Variants in PCTP observed in about 807,000 individuals in gnomAD.
PCTP encodes START domain-containing protein 2.
Under a neutral mutation model 31.0 loss-of-function variants are expected in PCTP, and 27 were observed. The observed-to-expected ratio is 0.87, with a 90% CI of 0.64 to 1.20. The LOEUF (loss-of-function observed/expected upper bound fraction) is 1.20. Ranked by LOEUF, PCTP falls within the 50% of genes most tolerant of loss-of-function variation. The pLI is 0.00. For missense variants in PCTP, 287 were observed against 268.2 expected (o/e 1.07, Z -0.49); for synonymous variants, 108 against 101.2 (o/e 1.07, Z -0.40).
At chr17:55,767,765 CTTT>C (rs10634278) in intron 2 of PCTP, among the ~76,000 whole-genome samples, 1 of 103,496 alleles carries the variant, frequency 9.7e-6, no homozygotes, top group African/African-American at 3.7e-5. Flanking sequence ...GCACCCAGTG[CTTT>C]TTTTTTTTTT....
chr17:55,763,375 A>C (rs548500288), intron 1 of PCTP, among the ~76,000 whole-genome samples: 15 of 152,304 alleles, frequency 9.8e-5, no homozygotes, highest in African/African-American at 3.4e-4. Flanking sequence ...AAGGTTTGTA[A>C]AAAGTATAAA....
At chr17:55,828,812 G>A (rs1267378287) in intron 5 of PCTP, among the ~76,000 whole-genome samples, 1 of 152,166 alleles carries the variant, frequency 6.6e-6, no homozygotes, top group Non-Finnish European at 1.5e-5. Flanking sequence ...CTGAAAAGTG[G>A]GCACGAATCA....
intron 3 of PCTP, among the ~76,000 whole-genome samples, chr17:55,788,899 A>G (rs1328070133): frequency 6.6e-6 from 1 of 152,108 alleles, no homozygotes; most frequent in African/African-American, 2.4e-5. Context: ...ACTTCAGGAT[A>G]CCCTCACCTT....
At chr17:55,829,375 A>G (rs561443847) in intron 5 of PCTP, among the ~76,000 whole-genome samples, 1 of 152,180 alleles carries the variant, frequency 6.6e-6, no homozygotes, top group South Asian at 2.1e-4. Context: ...CAATGGTGCG[A>G]TCTCGGCTCA....
At chr17:55,779,128 C>T (rs964117435), downstream of PCTP, among the ~76,000 whole-genome samples, 4 of 152,118 alleles carry the variant, frequency 2.6e-5, no homozygotes, top group Admixed American at 6.5e-5. Context: ...TTAAATGCAT[C>T]GAGACATTTA....
chr17:55,757,214 A>ATG (rs1910077939), intron 1 of PCTP, among the ~76,000 whole-genome samples: 1 of 150,694 alleles, frequency 6.6e-6, no homozygotes, highest in African/African-American at 2.5e-5. Context: ...GTGTGTATAT[A>ATG]TGTATATATA....
At chr17:55,775,621 A>G in intron 5 of PCTP, 1 of 1,195,578 alleles carries the variant, frequency 8.4e-7, no homozygotes, top group Non-Finnish European at 1.0e-6. Flanking sequence ...CCAGTGCTCA[A>G]CATTAACTAA....
chr17:55,775,927 C>CAT (rs1911303792), intron 5 of PCTP, 108 bp from the exon 6 acceptor site: 39 of 1,500,204 alleles, frequency 2.6e-5, no homozygotes, highest in Non-Finnish European at 3.5e-5. Flanking sequence ...GGAGCCTATT[C>CAT]ATTTTTGTTC....
Position 55,776,854 on chromosome 17 carries a change from G to C in PCTP, c.*754G>C, listed in dbSNP as rs1195826069. 3.0e-6 allele frequency: 3 copies of C among 1,002,974 alleles called. No individual in the cohort carries two copies. The highest frequency in any genetic ancestry group is 2.4e-6 in the Non-Finnish European group (2 of 842,022). The allele number at this position is 1,002,974 out of a possible 1,614,324, so 62.1% of individuals were successfully genotyped here. A position where few individuals can be genotyped will look rare whatever the true frequency, so the allele number is the denominator to read the frequency against. On this transcript the variant is annotated 3_prime_UTR_variant, in exon 6 of 6. Transcript: ENST00000268896. ...TTTTCCATATGTCACTGGGGGAAAGGCTGCCTGTACCTCTCAAGCTTTGCA... is the reference window on the plus strand; with the variant it reads ...TTTTCCATATGTCACTGGGGGAAAGCCTGCCTGTACCTCTCAAGCTTTGCA...
chr17:55,840,886 C>G (rs1244259023), intron 5 of PCTP, among the ~76,000 whole-genome samples: 2 of 152,168 alleles, frequency 1.3e-5, no homozygotes, highest in African/African-American at 2.4e-5. Context: ...TTGGGATGCT[C>G]AAGCAGTGCA....
intron 3 of PCTP, among the ~76,000 whole-genome samples, chr17:55,794,784 C>A (rs989663739): frequency 2.3e-4 from 35 of 151,964 alleles, no homozygotes; most frequent in Non-Finnish European, 2.9e-5. Context: ...CAGCTCCTGC[C>A]AAGAGACCAC....
chr17:55,849,475 T>G, the PCTP span, among the ~76,000 whole-genome samples: 1 of 151,976 alleles, frequency 6.6e-6, no homozygotes, highest in Non-Finnish European at 1.5e-5. Context: ...ATACAATAAA[T>G]GGCTGGGGGT....
chr17:55,754,554 A>G (rs1459350625), intron 1 of PCTP, among the ~76,000 whole-genome samples: 1 of 152,194 alleles, frequency 6.6e-6, no homozygotes, highest in East Asian at 1.9e-4. Context: ...TTCATTGGCT[A>G]GGCATGATTG....
chr17:55,818,518 T>C (rs1478798641), intron 3 of PCTP, among the ~76,000 whole-genome samples: 1 of 152,220 alleles, frequency 6.6e-6, no homozygotes, highest in African/African-American at 2.4e-5. Flanking sequence ...GAGGCTCTGT[T>C]TTCTCTTCTG....
At chr17:55,766,097 A>G (rs1910633276) in intron 1 of PCTP, among the ~76,000 whole-genome samples, 1 of 152,052 alleles carries the variant, frequency 6.6e-6, no homozygotes, top group Non-Finnish European at 1.5e-5. Flanking sequence ...CCCTATTTAA[A>G]TTACCTAGAT....
chr17:55,785,553 A>G (rs1476849644), intron 2 of PCTP, among the ~76,000 whole-genome samples: 1 of 152,266 alleles, frequency 6.6e-6, no homozygotes, highest in Non-Finnish European at 1.5e-5. Context: ...ATCTTGCTCA[A>G]ATGTTTTCCT....
intron 1 of PCTP, among the ~76,000 whole-genome samples, chr17:55,765,319 C>T (rs1910577240): frequency 6.6e-6 from 1 of 152,296 alleles, no homozygotes; most frequent in African/African-American, 2.4e-5. Context: ...TTAAACTCAA[C>T]TTGTTCAAAA....
chr17:55,758,207 A>G (rs1489865067), intron 1 of PCTP, among the ~76,000 whole-genome samples: 1 of 152,200 alleles, frequency 6.6e-6, no homozygotes, highest in Non-Finnish European at 1.5e-5. Flanking sequence ...TTAAATCTAA[A>G]TATCTGGCAC....
At chr17:55,785,859 T>G (rs1271430400) in intron 2 of PCTP, among the ~76,000 whole-genome samples, 1 of 152,246 alleles carries the variant, frequency 6.6e-6, no homozygotes, top group East Asian at 1.9e-4. Flanking sequence ...TATAGGTTAT[T>G]TGTTCTTGGT....
Sources: gnomAD v4.1 joint callset for allele counts (sites outside exome capture counted in the v4.1 genomes callset) on GRCh38, gnomAD v4.1.1 for gene constraint, MANE v1.5 for transcripts, NCBI Gene and HGNC (gene_info 2026-07-23, HGNC 2026-07-21) for gene names.